SUCO: variants seen among roughly 807,000 people sequenced by gnomAD.
SUCO encodes SUN domain-containing ossification factor.
Under a neutral mutation model 148.1 loss-of-function variants are expected in SUCO, and 57 were observed. The ratio of observed to expected loss-of-function variants is 0.38; its 90% CI spans 0.31 to 0.48. The LOEUF is 0.48. Ranked by LOEUF, SUCO falls within the 20% of genes least tolerant of loss-of-function variation. SUCO has a pLI of 0.96. For synonymous variants in SUCO, 470 were observed against 502.7 expected, an observed-to-expected ratio of 0.93 and a Z score of 0.87; for missense variants, 1,331 against 1,468.2, an observed-to-expected ratio of 0.91 and a Z score of 1.53.
intron 1 of SUCO, among the ~76,000 whole-genome samples, chr1:172,540,676 CA>C (rs1298056247): frequency 1.3e-5 from 2 of 152,168 alleles, no homozygotes; most frequent in African/African-American, 4.8e-5. Flanking sequence ...TGCTTCTGTG[CA>C]AACAGGAGCT....
At chr1:172,600,036 CAA>C in intron 19 of SUCO, 26 bp from the exon 20 acceptor site, 1 of 1,422,912 alleles carries the variant, frequency 7.0e-7, no homozygotes, top group Non-Finnish European at 9.5e-7. Context: ...AGTTAATATT[CAA>C]AAAAAAATAA....
At chr1:172,595,513 G>A (rs1657029054) in intron 19 of SUCO, among the ~76,000 whole-genome samples, 1 of 152,160 alleles carries the variant, frequency 6.6e-6, no homozygotes, top group Non-Finnish European at 1.5e-5. Flanking sequence ...CTGTAAAGCA[G>A]TTTGTTTCTC....
chr1:172,546,535 C>T (rs534080725), intron 1 of SUCO, among the ~76,000 whole-genome samples: 28 of 152,120 alleles, frequency 1.8e-4, no homozygotes, highest in Non-Finnish European at 3.7e-4. Flanking sequence ...GGCTAAGAGG[C>T]GCAGGCTTCA....
intron 17 of SUCO, among the ~76,000 whole-genome samples, chr1:172,586,656 G>A (rs913131253): frequency 1.3e-5 from 2 of 151,994 alleles, no homozygotes; most frequent in African/African-American, 4.8e-5. Context: ...AACTTTGCAA[G>A]TCCTTTATCT....
chr1:172,609,985 A>C lies in SUCO; in HGVS notation c.3491A>C (p.Glu1164Ala). Residue 1164 changes from glutamate (E) to alanine (A), a missense_variant, in exon 24 of 24, where the codon GAA becomes GCA. Physicochemically the swap from Glu to Ala is moderately radical, Grantham distance 107. Transcript: ENST00000263688. ...TCTTCTTATAAAGGTCCTCCATCTG[A>C]AGGAAGCTCAGAAACTTCATCACAG... Reference protein sequence around the residue: ...YHSSYKGPPSEGSSETSSQSE... With the variant: ...YHSSYKGPPSAGSSETSSQSE... 1 of 1,613,986 alleles carries C rather than the reference A, an allele frequency of 6.2e-7. No homozygotes were observed. Among genetic ancestry groups the C allele is most frequent in the Non-Finnish European group, 8.5e-7 (1 of 1,179,896 alleles).
rs1657477550 is a variant in SUCO, at chr1:172,601,014, G to A, written c.3018+846G>A. On this transcript the variant is annotated intron_variant, in intron 20 of 23. Coordinates refer to ENST00000263688, the MANE Select transcript of SUCO (RefSeq NM_014283.5). ...ATATTGGCAGAGGCCTGGTCATGTAGGACTTCGTAGACAATTTAGAGTTTG... is the reference window on the plus strand; with the variant it reads ...ATATTGGCAGAGGCCTGGTCATGTAAGACTTCGTAGACAATTTAGAGTTTG... Among the ~76,000 whole-genome samples, 3 of 152,174 alleles carry A rather than the reference G, an allele frequency of 2.0e-5. No homozygotes were observed. In the South Asian group the frequency reaches 6.2e-4, roughly 31 times the overall value.
rs1237977831 is a variant in SUCO, at chr1:172,576,956, G to A, written c.1264-583G>A. The stretch of plus-strand genomic sequence containing the variant: ...TACTACTTTTTAATAGCATACATTC[G>A]AAAGGCCAATTGGTATATATCTTCC... On this transcript the variant is annotated intron_variant, in intron 11 of 23. Coordinates refer to ENST00000263688, the MANE Select transcript of SUCO (RefSeq NM_014283.5). 17 of 686,772 alleles carry A rather than the reference G, an allele frequency of 2.5e-5. No homozygotes were observed. The Admixed American group carries it at 2.5e-4, about 10-fold the overall frequency. The allele number at this position is 686,772 out of a possible 1,614,324, so 42.5% of individuals were successfully genotyped here.
intron 21 of SUCO, 30 bp downstream of exon 21, chr1:172,602,248 AT>A (rs754222559): frequency 1.4e-5 from 22 of 1,539,012 alleles, no homozygotes; most frequent in Admixed American, 6.1e-5. Flanking sequence ...TCACAATTTT[AT>A]TTTTTTTACT....
At chr1:172,576,100 A>G (rs901858036) in intron 11 of SUCO, among the ~76,000 whole-genome samples, 6 of 151,794 alleles carry the variant, frequency 4.0e-5, no homozygotes, top group African/African-American at 1.2e-4. Flanking sequence ...CCAAGTACCA[A>G]TTGCAAATAA....
At chr1:172,575,928 A>G (rs1417386274) in intron 11 of SUCO, among the ~76,000 whole-genome samples, 2 of 151,778 alleles carry the variant, frequency 1.3e-5, no homozygotes, top group African/African-American at 4.8e-5. Context: ...ATTTCTTTCT[A>G]TTTTGAAACT....
At position 172,555,926 on chromosome 1, in the gene SUCO, T is replaced by A; in HGVS notation, c.346T>A (p.Leu116Met). 6.2e-7 allele frequency: 1 copy of A among 1,613,130 alleles called. No homozygotes were observed. Among genetic ancestry groups the A allele is most frequent in the Non-Finnish European group, 8.5e-7 (1 of 1,179,268 alleles). ...GGTGGAGACACTCCCTACAGTTGAT[T>A]TGCATGAAGAGTCTTCCAATGCAGT... ...PVVETLPTVD[L>M]HEESSNAVVD... Residue 116 changes from leucine (L) to methionine (M), a missense_variant, in exon 4 of 24, where the codon TTG becomes ATG. Leu to Met is a conservative substitution (Grantham distance 15). Coordinates refer to ENST00000263688, the MANE Select transcript of SUCO (RefSeq NM_014283.5).
At chr1:172,578,886 A>G (rs1044260991) in intron 14 of SUCO, among the ~76,000 whole-genome samples, 1 of 152,090 alleles carries the variant, frequency 6.6e-6, no homozygotes, top group African/African-American at 2.4e-5. Flanking sequence ...TGAACAATCT[A>G]AATTTTCTCA....
intron 4 of SUCO, 29 bp from the exon 5 acceptor site, chr1:172,557,251 C>G (rs1192628841): frequency 6.2e-7 from 1 of 1,601,572 alleles, no homozygotes; most frequent in Non-Finnish European, 8.5e-7. Context: ...ATTTAATTAC[C>G]AGATTATGTT....
In SUCO at chr1:172,569,996, C is replaced by A; in HGVS notation, c.857-51C>A. ...CAGTGTTGCTAGAGGTATTTTCAGT[C>A]ATAATCATCAAATATATATATAAAT... On this transcript the variant is annotated intron_variant, in intron 7 of 23. Coordinates refer to ENST00000263688, the MANE Select transcript of SUCO (RefSeq NM_014283.5). 3 of 1,307,548 alleles carry A rather than the reference C, an allele frequency of 2.3e-6. No homozygotes were observed. In the South Asian group the frequency reaches 7.7e-5, roughly 34 times the overall value. The allele number at this position is 1,307,548 out of a possible 1,614,324, so 81.0% of individuals were successfully genotyped here.
At chr1:172,568,305 T>TTGCCCC in intron 6 of SUCO, 43 of 905,788 alleles carry the variant, frequency 4.7e-5, no homozygotes, top group East Asian at 1.2e-4. Context: ...ATTCTTTGCT[T>TTGCCCC]CCCACCCACC....
chr1:172,577,826 C>T lies in SUCO; in HGVS notation c.1340+7C>T, dbSNP rs766972001. 3.1e-5 allele frequency: 49 copies of T among 1,598,566 alleles called. No homozygotes were observed. The highest frequency in any genetic ancestry group is 3.9e-5 in the Non-Finnish European group (46 of 1,170,892). ...GTCCATTAAGCCTTATAAGGTAATG[C>T]AGAACAAAATACATTTATTGAGTTT... On this transcript the variant is annotated splice_region_variant and intron_variant, in intron 13 of 23. Transcript: ENST00000263688.
At chr1:172,562,674 T>C (rs1654265149) in intron 6 of SUCO, among the ~76,000 whole-genome samples, 1 of 152,202 alleles carries the variant, frequency 6.6e-6, no homozygotes, top group African/African-American at 2.4e-5. Context: ...ACAATTTCCT[T>C]TTAATTATAC....
rs767315378 is a variant in SUCO at position 172,589,380 on chromosome 1, T to C, written c.2279T>C (p.Ile760Thr). The C allele has an allele frequency of 3.1e-6, 5 of 1,613,786 alleles. No homozygotes were observed. The highest frequency in any genetic ancestry group is 4.5e-5 in the East Asian group (2 of 44,876). Reference sequence around the variant, plus strand: ...TCTGTTGAATATGAGGCAGGACATATACCATCACCAGTGATTCCCCAAGAG... The same window carrying C: ...TCTGTTGAATATGAGGCAGGACATACACCATCACCAGTGATTCCCCAAGAG... ...SESVEYEAGH[I>T]PSPVIPQESS... The change falls in exon 18 of 24, where the codon ATA (isoleucine) becomes ACA (threonine). Residue 760 changes from isoleucine (I) to threonine (T), a missense_variant. Transcript: ENST00000263688.
rs201817527 is a variant in SUCO at position 172,583,028 on chromosome 1, A to G, written c.1499-1990A>G. ...CTCATATAAGATCTCACTTTGAAAC[A>G]AAGTATATAAACTGTTGATTGCACA... is the stretch of plus-strand genomic sequence containing the variant. On this transcript the variant is annotated intron_variant, in intron 15 of 23. Coordinates refer to ENST00000263688, the MANE Select transcript of SUCO (RefSeq NM_014283.5). Among the ~76,000 whole-genome samples, 11 of 152,192 alleles carry G rather than the reference A, an allele frequency of 7.2e-5. No individual in the cohort carries two copies. The East Asian group carries it at 2.1e-3, about 29-fold the overall frequency.
Sources: allele counts gnomAD v4.1 joint callset (sites outside exome capture counted in the v4.1 genomes callset), GRCh38; gene constraint gnomAD v4.1.1; transcripts MANE v1.5; gene names NCBI Gene and HGNC (gene_info 2026-07-23, HGNC 2026-07-21).